Variants in ATP6V0E1 observed in about 807,000 individuals in gnomAD.
ATP6V0E1 encodes the protein V-type proton ATPase subunit e 1.
Under a neutral mutation model 11.6 loss-of-function variants are expected in ATP6V0E1, and 4 were observed. That is an observed-to-expected ratio of 0.35 (90% confidence interval 0.17 to 0.79). ATP6V0E1 has a LOEUF of 0.79. Among genes scored for constraint, ATP6V0E1 ranks in the 30% least tolerant of loss-of-function variants. ATP6V0E1 has a pLI of 0.54. For missense variants in ATP6V0E1, 105 were observed against 100.0 expected, an observed-to-expected ratio of 1.05 and a Z score of -0.21; for synonymous variants, 36 against 34.8, an observed-to-expected ratio of 1.04 and a Z score of -0.13.
intron 3 of ATP6V0E1, among the ~76,000 whole-genome samples, chr5:173,026,701 CT>C (rs1290819152): frequency 6.6e-6 from 1 of 152,208 alleles, no homozygotes. Context: ...TATTTCTAGT[CT>C]TTTGCTATTA....
intron 2 of ATP6V0E1, among the ~76,000 whole-genome samples, chr5:172,996,794 G>A (rs1756073951): frequency 6.6e-6 from 1 of 152,032 alleles, no homozygotes; most frequent in Non-Finnish European, 1.5e-5. Flanking sequence ...TGATGAAAGA[G>A]GGATTCTACA....
Position 173,020,150 on chromosome 5 carries a change from C to A in ATP6V0E1, c.153-88C>A, listed in dbSNP as rs1351898012. On this transcript the variant is annotated intron_variant, in intron 2 of 3. Coordinates refer to ENST00000519374, the MANE Select transcript of ATP6V0E1 (RefSeq NM_003945.4). ...GTGAATGCAGTAGATTTAAGTTTTG[C>A]TAGTGTACTTTTTCCATGCTAATTG... 2.5e-5 allele frequency: 26 copies of A among 1,048,878 alleles called. No individual in the cohort carries two copies. In the Admixed American group the frequency reaches 4.7e-4, roughly 19 times the overall value. 65.0% of individuals were successfully genotyped at this position (1,048,878 alleles called of 1,614,324 possible). A position where few individuals can be genotyped will look rare whatever the true frequency, so the allele number is the denominator to read the frequency against.
At chr5:172,991,849 T>G (rs1327291329) in intron 1 of ATP6V0E1, among the ~76,000 whole-genome samples, 2 of 152,224 alleles carry the variant, frequency 1.3e-5, no homozygotes, top group African/African-American at 2.4e-5. Flanking sequence ...TTCTCTGCTT[T>G]CTTTTTGCCC....
intron 2 of ATP6V0E1, among the ~76,000 whole-genome samples, chr5:173,007,713 A>G (rs1756248215): frequency 1.3e-5 from 2 of 152,170 alleles, no homozygotes; most frequent in Non-Finnish European, 2.9e-5. Flanking sequence ...ACCAAAGAAC[A>G]GACTTGGAAG....
At chr5:173,012,243 G>A (rs922317390) in intron 2 of ATP6V0E1, among the ~76,000 whole-genome samples, 1 of 151,722 alleles carries the variant, frequency 6.6e-6, no homozygotes, top group African/African-American at 2.4e-5. Flanking sequence ...TATTGGCCAG[G>A]CTGGTCTTGG....
At chr5:172,988,690 T>C (rs1166814543) in intron 1 of ATP6V0E1, among the ~76,000 whole-genome samples, 1 of 152,060 alleles carries the variant, frequency 6.6e-6, no homozygotes, top group African/African-American at 2.4e-5. Context: ...CACACTATGG[T>C]GAGTTGGGGT....
intron 2 of ATP6V0E1, among the ~76,000 whole-genome samples, chr5:173,007,179 T>C (rs1157524090): frequency 6.6e-6 from 1 of 152,206 alleles, no homozygotes; most frequent in Non-Finnish European, 1.5e-5. Context: ...CTCGCCATGT[T>C]GCCCAGGCTG....
rs1465138696 is a variant in ATP6V0E1, at chr5:173,027,204, A to AAAT, written c.*36+6837_*36+6838insAAT. Among the ~76,000 whole-genome samples the AAAT allele has an allele frequency of 1.7e-3, 172 of 99,168 alleles. 2 individuals are homozygous for AAAT. Among genetic ancestry groups the AAAT allele is most frequent in the African/African-American group, 6.8e-3 (168 of 24,820 alleles). The allele number at this position is 99,168 out of a possible 152,430, so 65.1% of individuals were successfully genotyped here. On this transcript the variant is annotated intron_variant, in intron 3 of 3. Coordinates refer to ENST00000519374, the MANE Select transcript of ATP6V0E1 (RefSeq NM_003945.4). ...AAAAAAAAAAAAAAAAAAAAAAAAA[A>AAAT]TAGCCGGGCACGGTGGCTCACGCCT...
At chr5:172,988,854 A>G (rs1755938405) in intron 1 of ATP6V0E1, among the ~76,000 whole-genome samples, 1 of 152,036 alleles carries the variant, frequency 6.6e-6, no homozygotes. Context: ...ATGCTTGACT[A>G]ATTTTTGTAT....
At chr5:173,027,013 A>T (rs1756570141) in intron 3 of ATP6V0E1, among the ~76,000 whole-genome samples, 3 of 149,548 alleles carry the variant, frequency 2.0e-5, no homozygotes, top group African/African-American at 4.9e-5. Context: ...CATCTCTACT[A>T]AAAAAATACA....
chr5:172,998,781 TTTGTTTTTA>T (rs1280879040), intron 2 of ATP6V0E1, among the ~76,000 whole-genome samples: 1 of 152,132 alleles, frequency 6.6e-6, no homozygotes, highest in African/African-American at 2.4e-5. Flanking sequence ...TGAAAAGGCC[TTTGTTTTTA>T]TTGCTTTGAA....
intron 2 of ATP6V0E1, among the ~76,000 whole-genome samples, chr5:173,004,664 G>A (rs750179205): frequency 1.5e-4 from 23 of 152,160 alleles, no homozygotes; most frequent in Non-Finnish European, 2.8e-4. Context: ...GGTAAAAATT[G>A]AGATAAGGAA....
At chr5:173,021,183 G>T (rs747931079) in intron 3 of ATP6V0E1, among the ~76,000 whole-genome samples, 7 of 151,830 alleles carry the variant, frequency 4.6e-5, no homozygotes, top group Non-Finnish European at 1.0e-4. Flanking sequence ...AGAGAAGGAG[G>T]TGCCAGGCTC....
intron 3 of ATP6V0E1, 88 bp from the exon 4 acceptor site, chr5:173,034,311 G>A (rs1199087983): frequency 2.3e-5 from 16 of 694,532 alleles, no homozygotes; most frequent in East Asian, 1.4e-4. Flanking sequence ...ATTTTAAAGT[G>A]TTGGCTTGGT....
intron 3 of ATP6V0E1, among the ~76,000 whole-genome samples, chr5:173,027,174 G>T (rs558114988): frequency 3.8e-5 from 3 of 78,200 alleles, no homozygotes; most frequent in Non-Finnish European, 6.7e-5. Flanking sequence ...GCGAGACTCC[G>T]TCTCAAAAAA....
chr5:173,035,106 A>G lies in ATP6V0E1; in HGVS notation c.*744A>G, dbSNP rs1243427662. 2 of 152,308 alleles carry G rather than the reference A, an allele frequency of 1.3e-5. No individual in the cohort carries two copies. The highest frequency in any genetic ancestry group is 4.8e-5 in the African/African-American group (2 of 41,448). The allele number at this position is 152,308 out of a possible 1,614,324, so 9.4% of individuals were successfully genotyped here. A position where few individuals can be genotyped will look rare whatever the true frequency, so the allele number is the denominator to read the frequency against. Reference sequence around the variant, plus strand: ...AGCCAAGGCACTGGAGGGATCAAAGATGTGTAAATTTGGAGTCCCTGCAAG... The same window carrying G: ...AGCCAAGGCACTGGAGGGATCAAAGGTGTGTAAATTTGGAGTCCCTGCAAG... On this transcript the variant is annotated 3_prime_UTR_variant, in exon 4 of 4. Transcript: ENST00000519374.
rs773019058 is a variant in ATP6V0E1 at position 173,034,855 on chromosome 5, A to G, written c.*493A>G. ...TCAGGATGAATTTCTTCTTTCTGCCATCTTTTGGAATAAATATTTTCCTCC... is the reference window on the plus strand; with the variant it reads ...TCAGGATGAATTTCTTCTTTCTGCCGTCTTTTGGAATAAATATTTTCCTCC... On this transcript the variant is annotated 3_prime_UTR_variant, in exon 4 of 4. Coordinates refer to ENST00000519374, the MANE Select transcript of ATP6V0E1 (RefSeq NM_003945.4). 23 of 162,344 alleles carry G rather than the reference A, an allele frequency of 1.4e-4. No individual in the cohort carries two copies. The highest frequency in any genetic ancestry group is 2.8e-4 in the Non-Finnish European group (21 of 75,150). 10.1% of individuals were successfully genotyped at this position (162,344 alleles called of 1,614,324 possible).
At chr5:172,999,972 CA>C (rs1276047594) in intron 2 of ATP6V0E1, among the ~76,000 whole-genome samples, 1 of 152,132 alleles carries the variant, frequency 6.6e-6, no homozygotes, top group Non-Finnish European at 1.5e-5. Flanking sequence ...CCTTATTCCA[CA>C]AAAGAGTGAG....
chr5:173,017,114 A>G (rs1756411548), intron 2 of ATP6V0E1, among the ~76,000 whole-genome samples: 1 of 152,200 alleles, frequency 6.6e-6, no homozygotes, highest in African/African-American at 2.4e-5. Flanking sequence ...ACAGTAAATG[A>G]AAGAAAAAAG....
Sources: allele counts gnomAD v4.1 joint callset (sites outside exome capture counted in the v4.1 genomes callset), GRCh38; gene constraint gnomAD v4.1.1; transcripts MANE v1.5; gene names NCBI Gene and HGNC (gene_info 2026-07-23, HGNC 2026-07-21).